The following LPAR1 variants were observed in gnomAD, a reference collection of about 807,000 sequenced individuals.
LPAR1 encodes the protein lysophosphatidic acid receptor 1.
In LPAR1, 5 loss-of-function variants were observed where a neutral mutation model predicts 23.8. That is an observed-to-expected ratio of 0.21 (90% CI 0.11 to 0.44). LPAR1 has a LOEUF of 0.44. Among genes scored for constraint, LPAR1 ranks in the 20% least tolerant of loss-of-function variants. The pLI is 0.99. For missense variants in LPAR1, 311 were observed against 482.8 expected (o/e 0.64, Z 3.33); for synonymous variants, 160 against 164.7 (o/e 0.97, Z 0.22).
chr9:110,932,200 T>C lies in LPAR1; in HGVS notation c.793+9221A>G, dbSNP rs1184805070. 7.2e-5 allele frequency among the ~76,000 whole-genome samples: 11 copies of C among 152,190 alleles called. 2 individuals carry two copies. The highest frequency in any genetic ancestry group is 7.2e-4 in the Admixed American group (11 of 15,272). Reference sequence around the variant, plus strand: ...AACTCCCAATCCAGAACAAGAGGTATATTTCATGTAGTCATTCAGCAAATA... The same window carrying C: ...AACTCCCAATCCAGAACAAGAGGTACATTTCATGTAGTCATTCAGCAAATA... On this transcript the variant is annotated intron_variant, in intron 5 of 5. Coordinates refer to ENST00000683809, the MANE Select transcript of LPAR1 (RefSeq NM_001351411.2).
At chr9:110,923,366 T>C (rs2093774036) in intron 5 of LPAR1, among the ~76,000 whole-genome samples, 1 of 152,202 alleles carries the variant, frequency 6.6e-6, no homozygotes, top group Non-Finnish European at 1.5e-5. Flanking sequence ...ACCCATTCCT[T>C]AGAAACTGTA....
At chr9:111,009,996 AAAATATATATATATATATATATATATAT>A in intron 2 of LPAR1, among the ~76,000 whole-genome samples, 1 of 108,960 alleles carries the variant, frequency 9.2e-6, no homozygotes, top group South Asian at 3.6e-4. Context: ...CATAATTAGG[AAAATATATATATATATATATATATATAT>A]ATATATATAT....
At chr9:110,995,832 CT>C (rs1449441660) in intron 2 of LPAR1, among the ~76,000 whole-genome samples, 2 of 152,210 alleles carry the variant, frequency 1.3e-5, no homozygotes, top group Admixed American at 1.3e-4. Context: ...GGGGGGTCCC[CT>C]CTCTAACTTA....
At chr9:111,011,831 C>G (rs2097336961) in intron 2 of LPAR1, among the ~76,000 whole-genome samples, 1 of 152,180 alleles carries the variant, frequency 6.6e-6, no homozygotes, top group African/African-American at 2.4e-5. Flanking sequence ...TTTGATAAAA[C>G]AGTCATTTCA....
At chr9:111,024,166 T>C (rs2097632669) in intron 2 of LPAR1, among the ~76,000 whole-genome samples, 1 of 151,778 alleles carries the variant, frequency 6.6e-6, no homozygotes, top group African/African-American at 2.4e-5. Context: ...CTAACAAATG[T>C]AGAAAAAAAT....
At chr9:110,910,206 C>T (rs989034994) in intron 5 of LPAR1, among the ~76,000 whole-genome samples, 5 of 152,016 alleles carry the variant, frequency 3.3e-5, no homozygotes, top group South Asian at 2.1e-4. Context: ...GGGGATAAAG[C>T]GGCTGGTGTG....
chr9:111,011,255 C>T (rs2097326557), intron 2 of LPAR1, among the ~76,000 whole-genome samples: 1 of 152,150 alleles, frequency 6.6e-6, no homozygotes, highest in Non-Finnish European at 1.5e-5. Flanking sequence ...GTATGTTGTT[C>T]ATAAAATTTA....
chr9:110,904,328 CAAT>C (rs2090468671), intron 5 of LPAR1, among the ~76,000 whole-genome samples: 1 of 151,936 alleles, frequency 6.6e-6, no homozygotes, highest in African/African-American at 2.4e-5. Flanking sequence ...ATACTCAAGA[CAAT>C]AATATTTAAA....
chr9:110,962,087 A>C (rs1446572909), intron 4 of LPAR1, among the ~76,000 whole-genome samples: 1 of 152,116 alleles, frequency 6.6e-6, no homozygotes, highest in Non-Finnish European at 1.5e-5. Context: ...TCCCCCCTGT[A>C]ACTTCAGTGT....
intron 2 of LPAR1, among the ~76,000 whole-genome samples, chr9:111,008,437 G>T (rs1425805926): frequency 6.6e-6 from 1 of 151,938 alleles, no homozygotes; most frequent in Non-Finnish European, 1.5e-5. Flanking sequence ...ACTCGGAAAA[G>T]AAAAAAATAA....
At chr9:110,989,897 A>G (rs960938964) in intron 2 of LPAR1, among the ~76,000 whole-genome samples, 2 of 152,128 alleles carry the variant, frequency 1.3e-5, no homozygotes, top group African/African-American at 2.4e-5. Flanking sequence ...AAGTAAAAGG[A>G]TAAAAAAACG....
intron 5 of LPAR1, among the ~76,000 whole-genome samples, chr9:110,877,851 C>T (rs1325451825): frequency 6.6e-6 from 1 of 152,178 alleles, no homozygotes; most frequent in Non-Finnish European, 1.5e-5. Flanking sequence ...TCTTTATTCT[C>T]TCATACTTAA....
chr9:110,996,667 A>C (rs144758490), intron 2 of LPAR1, among the ~76,000 whole-genome samples: 2 of 152,254 alleles, frequency 1.3e-5, no homozygotes, highest in East Asian at 3.9e-4. Context: ...CAAGTCTCTA[A>C]ATCTTTTGTA....
chr9:111,023,146 T>TC (rs2097596930), intron 2 of LPAR1, among the ~76,000 whole-genome samples: 1 of 148,156 alleles, frequency 6.7e-6, no homozygotes, highest in East Asian at 2.0e-4. Context: ...AACACCCATC[T>TC]CCCCCAAAAA....
At chr9:111,024,794 T>C (rs141531260) in intron 2 of LPAR1, among the ~76,000 whole-genome samples, 4,986 of 151,820 alleles carry the variant, frequency 0.033, 286 homozygotes, top group African/African-American at 0.11. Context: ...AGTGAGAACA[T>C]GCAGTGTTAG....
chr9:111,008,327 G>A (rs757280824), intron 2 of LPAR1, among the ~76,000 whole-genome samples: 3 of 152,118 alleles, frequency 2.0e-5, no homozygotes, highest in Non-Finnish European at 4.4e-5. Flanking sequence ...ACTGCTGTGT[G>A]TGTATGCATA....
intron 4 of LPAR1, among the ~76,000 whole-genome samples, chr9:110,956,840 C>A (rs1364832839): frequency 6.6e-5 from 10 of 152,102 alleles, no homozygotes; most frequent in African/African-American, 2.2e-4. Context: ...GACTTCACTG[C>A]CAAATTCTAC....
intron 5 of LPAR1, among the ~76,000 whole-genome samples, chr9:110,927,462 T>G (rs2094125129): frequency 6.6e-6 from 1 of 152,162 alleles, no homozygotes; most frequent in Non-Finnish European, 1.5e-5. Flanking sequence ...TAGGACTTAA[T>G]GAGTTCTGAA....
In LPAR1 at chr9:110,875,315, T is replaced by C. The variant is rs2078818137; in HGVS notation, c.*106A>G. On this transcript the variant is annotated 3_prime_UTR_variant, in exon 6 of 6. Coordinates refer to ENST00000683809, the MANE Select transcript of LPAR1 (RefSeq NM_001351411.2). ...ATTGGTTAGTGTTTAAGTACATGAG[T>C]TGACTTTTCTCCTCTCTCACACCCC... The C allele has an allele frequency of 4.4e-6, 4 of 908,734 alleles. 1 individual carries two copies. The South Asian group carries it at 7.4e-5, about 17-fold the overall frequency. 56.3% of individuals were successfully genotyped at this position (908,734 alleles called of 1,614,324 possible). A position where few individuals can be genotyped will look rare whatever the true frequency, so the allele number is the denominator to read the frequency against.
Sources: allele counts gnomAD v4.1 joint callset (sites outside exome capture counted in the v4.1 genomes callset), GRCh38; gene constraint gnomAD v4.1.1; transcripts MANE v1.5; gene names NCBI Gene and HGNC (gene_info 2026-07-23, HGNC 2026-07-21).